The following MAST4 variants were observed in gnomAD, a reference collection of about 807,000 sequenced individuals.
The protein encoded by MAST4 is microtubule associated serine/threonine kinase family member 4, also known as microtubule-associated serine/threonine-protein kinase 4.
Under a neutral mutation model 162.7 loss-of-function variants are expected in MAST4, and 89 were observed. The ratio of observed to expected loss-of-function variants is 0.55; its 90% CI spans 0.46 to 0.65. The LOEUF (loss-of-function observed/expected upper bound fraction) is 0.65, where lower values mean the gene tolerates loss of function less well. Ranked by LOEUF, MAST4 falls within the 30% of genes least tolerant of loss-of-function variation. MAST4 has a pLI of 0.00. For synonymous variants in MAST4, 1,479 were observed against 1,361.1 expected, an observed-to-expected ratio of 1.09 and a Z score of -1.91; for missense variants, 3,153 against 3,374.0, an observed-to-expected ratio of 0.93 and a Z score of 1.62.
intron 4 of MAST4, among the ~76,000 whole-genome samples, chr5:66,919,955 TCCTTCCTTCCTTCCTTCCTTCTTTC>T (rs1764410837): frequency 5.8e-5 from 7 of 119,662 alleles, no homozygotes; most frequent in East Asian, 3.1e-4. Flanking sequence ...CTTCCTTCCT[TCCTTCCTTCCTTCCTTCCTTCTTTC>T]TCTCTCTCTC....
intron 1 of MAST4, among the ~76,000 whole-genome samples, chr5:66,703,934 A>T (rs1306249797): frequency 6.6e-6 from 1 of 152,192 alleles, no homozygotes; most frequent in Non-Finnish European, 1.5e-5. Flanking sequence ...AACAAACAAC[A>T]TTACCTTGTC....
chr5:66,953,588 C>T (rs891047042), intron 4 of MAST4, among the ~76,000 whole-genome samples: 2 of 152,056 alleles, frequency 1.3e-5, no homozygotes, highest in Non-Finnish European at 2.9e-5. Flanking sequence ...GAAAACGGGA[C>T]AGAAGTATAT....
At chr5:67,120,538 G>A (rs1392035180) in intron 13 of MAST4, among the ~76,000 whole-genome samples, 1 of 152,180 alleles carries the variant, frequency 6.6e-6, no homozygotes, top group Non-Finnish European at 1.5e-5. Flanking sequence ...AAGAAAGGCA[G>A]GCATTCTGTA....
intron 1 of MAST4, among the ~76,000 whole-genome samples, chr5:66,659,428 C>T (rs1746762810): frequency 6.6e-6 from 1 of 152,164 alleles, no homozygotes; most frequent in Admixed American, 6.5e-5. Context: ...GGCAATGAGA[C>T]AGTGGATTTG....
chr5:66,725,533 A>G (rs1751463706), intron 1 of MAST4, among the ~76,000 whole-genome samples: 2 of 152,186 alleles, frequency 1.3e-5, no homozygotes, highest in African/African-American at 4.8e-5. Flanking sequence ...TTCATGCTGA[A>G]AAAGAGAATA....
At chr5:66,630,970 G>A (rs1295502995) in intron 1 of MAST4, among the ~76,000 whole-genome samples, 2 of 152,210 alleles carry the variant, frequency 1.3e-5, no homozygotes, top group African/African-American at 4.8e-5. Flanking sequence ...GACTACTGAG[G>A]TTTGGGTTCT....
Position 66,892,400 on chromosome 5 carries a change from C to T in MAST4, c.643-7551C>T, listed in dbSNP as rs150818887. On this transcript the variant is annotated intron_variant, in intron 3 of 28. Coordinates refer to ENST00000403625, the MANE Select transcript of MAST4 (RefSeq NM_001164664.2). The stretch of plus-strand genomic sequence containing the variant: ...TTTACAGTGAGTAAAGTCCTTTCTC[C>T]CCAGTGTCTGGCACAGCACCAGCCA... Among the ~76,000 whole-genome samples the T allele has an allele frequency of 4.5e-3, 681 of 152,224 alleles. 6 individuals carry two copies. The highest frequency in any genetic ancestry group is 0.016 in the African/African-American group (661 of 41,516).
chr5:66,957,227 C>T (rs140574620), intron 4 of MAST4, among the ~76,000 whole-genome samples: 2 of 152,196 alleles, frequency 1.3e-5, no homozygotes, highest in East Asian at 3.9e-4. Context: ...AGGGTGGTAA[C>T]TGATTTTTTT....
At chr5:66,718,164 GT>G (rs141339021) in intron 1 of MAST4, among the ~76,000 whole-genome samples, 6,749 of 147,216 alleles carry the variant, frequency 0.046, 196 homozygotes, top group Non-Finnish European at 0.067. Context: ...AAACCAGTGG[GT>G]TTTTTTTTCT....
chr5:66,958,636 G>C (rs1051796799), intron 4 of MAST4, among the ~76,000 whole-genome samples: 5 of 152,138 alleles, frequency 3.3e-5, no homozygotes, highest in African/African-American at 1.2e-4. Context: ...AATGCAGTTA[G>C]TTTATTCCTC....
At chr5:66,863,263 C>G (rs533947321) in intron 3 of MAST4, among the ~76,000 whole-genome samples, 1 of 152,226 alleles carries the variant, frequency 6.6e-6, no homozygotes, top group Non-Finnish European at 1.5e-5. Flanking sequence ...AGCTTCCCCG[C>G]TCAAATTGTT....
chr5:67,059,332 A>T (rs935224227), intron 5 of MAST4, among the ~76,000 whole-genome samples: 9 of 152,162 alleles, frequency 5.9e-5, no homozygotes, highest in African/African-American at 2.2e-4. Flanking sequence ...CACTCAGATA[A>T]TCTCTATACT....
chr5:66,780,579 G>A (rs912711270), intron 2 of MAST4, among the ~76,000 whole-genome samples: 1 of 152,190 alleles, frequency 6.6e-6, no homozygotes, highest in East Asian at 1.9e-4. Context: ...GATTTATTGT[G>A]AAGAGTGAAA....
At chr5:67,105,507 G>A (rs1181125858) in intron 10 of MAST4, among the ~76,000 whole-genome samples, 2 of 152,094 alleles carry the variant, frequency 1.3e-5, no homozygotes, top group African/African-American at 2.4e-5. Flanking sequence ...ACTCTTTCCC[G>A]ATTTCTCACA....
chr5:66,937,259 CAAATTAGGAGAACA>C (rs1357926875), intron 4 of MAST4, among the ~76,000 whole-genome samples: 2 of 152,148 alleles, frequency 1.3e-5, no homozygotes, highest in Non-Finnish European at 2.9e-5. Context: ...AGTACTCATT[CAAATTAGGAGAACA>C]AAATCCCTCT....
chr5:67,150,208 T>C (rs1421887736), intron 24 of MAST4, among the ~76,000 whole-genome samples: 2 of 152,196 alleles, frequency 1.3e-5, no homozygotes, highest in East Asian at 1.9e-4. Flanking sequence ...TCCCACAAAC[T>C]GGTTTTGCCA....
At chr5:66,826,846 T>TA (rs1757286253) in intron 3 of MAST4, among the ~76,000 whole-genome samples, 1 of 152,218 alleles carries the variant, frequency 6.6e-6, no homozygotes, top group Admixed American at 6.5e-5. Context: ...TGTAAGCTGG[T>TA]AAATATATTC....
chr5:66,797,262 G>A (rs895623906), intron 3 of MAST4, among the ~76,000 whole-genome samples: 8 of 152,180 alleles, frequency 5.3e-5, no homozygotes, highest in Non-Finnish European at 1.0e-4. Context: ...TTGGGATGTA[G>A]CATTTCCTGT....
At chr5:66,980,290 C>T (rs1748632760) in intron 4 of MAST4, among the ~76,000 whole-genome samples, 1 of 152,196 alleles carries the variant, frequency 6.6e-6, no homozygotes, top group South Asian at 2.1e-4. Flanking sequence ...GTGTGTTCAT[C>T]ACTTATACCC....
Sources: allele counts gnomAD v4.1 joint callset (sites outside exome capture counted in the v4.1 genomes callset), GRCh38; gene constraint gnomAD v4.1.1; transcripts MANE v1.5; gene names NCBI Gene and HGNC (gene_info 2026-07-23, HGNC 2026-07-21).